The following GIGYF2 variants were observed in gnomAD, a reference collection of about 807,000 sequenced individuals.
The protein encoded by GIGYF2 is GRB10-interacting GYF protein 2.
In GIGYF2, 25 loss-of-function variants were observed where a neutral mutation model predicts 208.1. The ratio of observed to expected loss-of-function variants is 0.12; its 90% confidence interval spans 0.09 to 0.17. GIGYF2 has a LOEUF of 0.17. Ranked by LOEUF, GIGYF2 falls within the 10% of genes least tolerant of loss-of-function variation. The pLI is 1.00. For missense variants in GIGYF2, 1,302 were observed against 1,579.4 expected (o/e 0.82, Z 2.98); for synonymous variants, 534 against 543.8 (o/e 0.98, Z 0.25).
chr2:232,802,980 A>G (rs1251906888), intron 14 of GIGYF2, among the ~76,000 whole-genome samples: 1 of 151,866 alleles, frequency 6.6e-6, no homozygotes, highest in Non-Finnish European at 1.5e-5. Flanking sequence ...GCCCACTGCA[A>G]CCGCTGTCTC....
At chr2:232,748,925 CT>C (rs1287127888) in intron 4 of GIGYF2, 61 bp from the exon 5 acceptor site, 1 of 811,970 alleles carries the variant, frequency 1.2e-6, no homozygotes, top group Admixed American at 1.7e-5. Flanking sequence ...GATTTATCTT[CT>C]TGTATTTCTT....
chr2:232,738,839 G>A (rs187307768), intron 3 of GIGYF2, among the ~76,000 whole-genome samples: 7 of 152,108 alleles, frequency 4.6e-5, no homozygotes, highest in African/African-American at 1.7e-4. Flanking sequence ...TAAGGCTTTG[G>A]ATGATATATG....
chr2:232,736,709 C>T (rs1697748538), intron 3 of GIGYF2: 1 of 152,094 alleles, frequency 6.6e-6, no homozygotes, highest in Non-Finnish European at 1.5e-5. Flanking sequence ...GATTTAAATT[C>T]ATATAAGTTA....
intron 8 of GIGYF2, among the ~76,000 whole-genome samples, chr2:232,772,046 A>G (rs1038271886): frequency 1.3e-5 from 2 of 152,128 alleles, no homozygotes; most frequent in Admixed American, 6.6e-5. Context: ...GTGCAGTGGC[A>G]CAATCATAGC....
intron 22 of GIGYF2, among the ~76,000 whole-genome samples, chr2:232,834,178 G>A (rs1701510522): frequency 6.6e-6 from 1 of 152,152 alleles, no homozygotes; most frequent in Non-Finnish European, 1.5e-5. Flanking sequence ...GCAGTGCGCA[G>A]TAAGGTTTAG....
intron 8 of GIGYF2, among the ~76,000 whole-genome samples, chr2:232,781,510 C>G (rs191368172): frequency 4.0e-5 from 6 of 151,806 alleles, no homozygotes; most frequent in African/African-American, 1.5e-4. Flanking sequence ...CTGAAGTCAC[C>G]TTCTAAATAA....
intron 6 of GIGYF2, chr2:232,760,126 GA>G (rs1698690783): frequency 6.1e-6 from 1 of 164,490 alleles, no homozygotes; most frequent in African/African-American, 2.4e-5. Flanking sequence ...CCATTTTTAT[GA>G]AAATAAAACA....
intron 2 of GIGYF2, among the ~76,000 whole-genome samples, chr2:232,717,320 CAATAAT>C (rs931337943): frequency 2.0e-5 from 3 of 151,990 alleles, no homozygotes; most frequent in African/African-American, 7.3e-5. Context: ...CTCTAAGAAA[CAATAAT>C]AATAATTGAT....
intron 2 of GIGYF2, among the ~76,000 whole-genome samples, chr2:232,725,772 C>G (rs1479735840): frequency 6.6e-6 from 1 of 152,106 alleles, no homozygotes; most frequent in African/African-American, 2.4e-5. Context: ...TTATCGTATT[C>G]CTTGTTCATA....
At chr2:232,777,972 A>T (rs537357224) in intron 8 of GIGYF2, among the ~76,000 whole-genome samples, 4 of 152,106 alleles carry the variant, frequency 2.6e-5, no homozygotes, top group Admixed American at 6.5e-5. Flanking sequence ...TTAGACATAG[A>T]GTCTTGCTGT....
In GIGYF2 at chr2:232,766,976, T is replaced by C. The variant is rs200075792; in HGVS notation, c.532+5540T>C. The C allele has an allele frequency of 1.5e-4, 23 of 152,320 alleles. No homozygotes were observed. The East Asian group carries it at 2.7e-3, about 18-fold the overall frequency. The allele number at this position is 152,320 out of a possible 1,614,324, so 9.4% of individuals were successfully genotyped here. ...TTTTGTTTTAAGGACAGTTTCTCTT[T>C]TTTTTATTGAAATGAAAATCATGCA... On this transcript the variant is annotated intron_variant, in intron 8 of 28. Transcript: ENST00000373563.
intron 28 of GIGYF2, among the ~76,000 whole-genome samples, chr2:232,854,365 C>A (rs1195327177): frequency 6.6e-6 from 1 of 152,224 alleles, no homozygotes; most frequent in South Asian, 2.1e-4. Flanking sequence ...TGGTGGCACC[C>A]GCTTATAGTC....
rs115259517 is a variant in GIGYF2 at position 232,809,271 on chromosome 2, T to C, written c.1807-449T>C. Among the ~76,000 whole-genome samples the C allele has an allele frequency of 3.9e-3, 595 of 152,338 alleles. 2 individuals are homozygous for C. The highest frequency in any genetic ancestry group is 0.013 in the African/African-American group (558 of 41,560). ...TTTTATATTCTTAACATCTTTAAGATACATACTGGCTCCCTGCATTCCTTA... is the reference window on the plus strand; with the variant it reads ...TTTTATATTCTTAACATCTTTAAGACACATACTGGCTCCCTGCATTCCTTA... On this transcript the variant is annotated intron_variant, in intron 15 of 28. Transcript: ENST00000373563.
intron 21 of GIGYF2, among the ~76,000 whole-genome samples, chr2:232,832,272 C>T (rs539594233): frequency 1.0e-3 from 154 of 152,226 alleles, no homozygotes; most frequent in African/African-American, 3.6e-3. Context: ...AAATGAGTTC[C>T]GCAGGGCACA....
At chr2:232,784,034 A>T (rs1441611608) in intron 8 of GIGYF2, among the ~76,000 whole-genome samples, 1 of 152,158 alleles carries the variant, frequency 6.6e-6, no homozygotes, top group African/African-American at 2.4e-5. Context: ...TTACTTACGT[A>T]CCAGTAACAA....
In GIGYF2 at chr2:232,763,378, C is replaced by T. The variant is rs534574239; in HGVS notation, c.532+1942C>T. 1.1e-4 allele frequency among the ~76,000 whole-genome samples: 17 copies of T among 152,202 alleles called. No homozygotes were observed. The South Asian group carries it at 2.9e-3, about 26-fold the overall frequency. On this transcript the variant is annotated intron_variant, in intron 8 of 28. Transcript: ENST00000373563. ...ACATTTCAAGACCCCCAGTGGATGC[C>T]TGAAACCACAGATAGTACTGAATCC...
chr2:232,796,111 A>G lies in GIGYF2; in HGVS notation c.1529A>G (p.Glu510Gly), dbSNP rs1397236859. ...AYLQDSALDD[E>G]RLASKLQEHR... Reference sequence around the variant, plus strand: ...CTCCAAGACAGTGCACTAGATGATGAAAGATTGGCATCAAAACTGCAAGAG... The same window carrying G: ...CTCCAAGACAGTGCACTAGATGATGGAAGATTGGCATCAAAACTGCAAGAG... Residue 510 changes from glutamate (E) to glycine (G), a missense_variant, in exon 14 of 29, where the codon GAA becomes GGA. Around this residue, in one of 8 missense-constraint regions of GIGYF2, gnomAD observed 69 missense variants for 132.8 expected, o/e 0.52. Transcript: ENST00000373563. 1.2e-6 allele frequency: 2 copies of G among 1,608,528 alleles called. No individual in the cohort carries two copies. Among genetic ancestry groups the G allele is most frequent in the Non-Finnish European group, 1.7e-6 (2 of 1,174,992 alleles).
chr2:232,705,049 C>T lies in GIGYF2; in HGVS notation c.-44+1560C>T, dbSNP rs1217316805. 3.3e-5 allele frequency among the ~76,000 whole-genome samples: 5 copies of T among 150,738 alleles called. No individual in the cohort carries two copies. The South Asian group carries it at 6.3e-4, about 19-fold the overall frequency. On this transcript the variant is annotated intron_variant, in intron 2 of 28. Transcript: ENST00000373563. ...CAATTTTTTGTATTTTCAGTAGAGA[C>T]GGGGTTTCACCGTGTTAGCCAGGAT...
At chr2:232,711,794 C>A (rs750840793) in intron 2 of GIGYF2, among the ~76,000 whole-genome samples, 2 of 147,934 alleles carry the variant, frequency 1.4e-5, no homozygotes, top group Non-Finnish European at 3.0e-5. Context: ...CACTAAAATT[C>A]AACCAGCAGT....
Sources: gnomAD v4.1 joint callset for allele counts (sites outside exome capture counted in the v4.1 genomes callset) on GRCh38, gnomAD v4.1.1 for gene constraint, gnomAD v4.1.1 regional missense constraint, MANE v1.5 for transcripts, NCBI Gene and HGNC (gene_info 2026-07-23, HGNC 2026-07-21) for gene names.